Variants in TRPV6 observed in about 807,000 individuals in gnomAD.
TRPV6 encodes the protein transient receptor potential cation channel subfamily V member 6.
TRPV6 carries 39 observed loss-of-function variants against 79.0 expected under a neutral mutation model. The observed-to-expected ratio is 0.49, with a 90% CI of 0.38 to 0.64. The LOEUF is 0.64. TRPV6 is among the 30% of genes least tolerant of loss of function. The pLI, the probability that TRPV6 is intolerant of heterozygous loss-of-function variation, is 0.00. For synonymous variants in TRPV6, 373 were observed against 391.9 expected (o/e 0.95, Z 0.57); for missense variants, 813 against 1,011.1 (o/e 0.80, Z 2.66).
intron 1 of TRPV6, chr7:142,878,381 C>G (rs1795124754): frequency 6.6e-6 from 2 of 301,580 alleles, no homozygotes; most frequent in Non-Finnish European, 1.3e-5. Context: ...AACCAGTTTA[C>G]CCCTGGAGTG....
At chr7:142,874,184 C>T in intron 11 of TRPV6, 42 bp from the exon 12 acceptor site, 1 of 1,596,522 alleles carries the variant, frequency 6.3e-7, no homozygotes, top group Non-Finnish European at 8.6e-7. Context: ...ACACATTCCC[C>T]AAGCAATTGC....
Position 142,875,112 on chromosome 7 carries a change from G to A in TRPV6, c.1295C>T (p.Thr432Ile), listed in dbSNP as rs1475886854. ...CAGGATGATGATAGCCCCAATGACA[G>A]TCACCAGCTCCCCGACCAGCCGGAT... Residue 432 changes from threonine (T) to isoleucine (I), a missense_variant, in exon 9 of 15, where the codon ACT (threonine) becomes ATT (isoleucine). Transcript: ENST00000359396. 3 of 1,614,140 alleles carry A rather than the reference G, an allele frequency of 1.9e-6. No homozygotes were observed. Among genetic ancestry groups the A allele is most frequent in the Middle Eastern group, 3.3e-4 (2 of 6,062 alleles).
intron 1 of TRPV6, chr7:142,883,233 T>A (rs975494187): frequency 6.6e-6 from 1 of 152,106 alleles, no homozygotes; most frequent in Non-Finnish European, 1.5e-5. Flanking sequence ...CGGGAGAAAG[T>A]TGAGAGCTCG....
rs1473914661 is a variant in TRPV6, at chr7:142,871,589, ACTC to A, written c.*115_*117del. ...ACGTACATTCCTTGGCGTTCATGCTACTCCTCTTTCTCCCCTGGGGCCTGGGAG... is the reference window on the plus strand; with the variant it reads ...ACGTACATTCCTTGGCGTTCATGCTACTCTTTCTCCCCTGGGGCCTGGGAG... On this transcript the variant is annotated 3_prime_UTR_variant, in exon 15 of 15. Transcript: ENST00000359396. The A allele has an allele frequency of 4.9e-6, 6 of 1,230,550 alleles. No individual in the cohort carries two copies. The South Asian group carries it at 9.0e-5, about 19-fold the overall frequency. The allele number at this position is 1,230,550 out of a possible 1,614,324, so 76.2% of individuals were successfully genotyped here. A position where few individuals can be genotyped will look rare whatever the true frequency, so the allele number is the denominator to read the frequency against.
chr7:142,872,701 A>G (rs995868530), intron 13 of TRPV6, among the ~76,000 whole-genome samples: 1 of 152,214 alleles, frequency 6.6e-6, no homozygotes, highest in African/African-American at 2.4e-5. Context: ...CACCAGAGAA[A>G]GCAAATAGAA....
intron 6 of TRPV6, chr7:142,876,146 T>C: frequency 1.5e-6 from 1 of 684,942 alleles, no homozygotes; most frequent in Non-Finnish European, 2.4e-6. Flanking sequence ...GGCCCTGCTC[T>C]GGGGGCTGAA....
intron 3 of TRPV6, 103 bp from the exon 4 acceptor site, chr7:142,877,382 T>C (rs1643370639): frequency 1.3e-6 from 2 of 1,548,524 alleles, no homozygotes; most frequent in Non-Finnish European, 1.7e-6. Flanking sequence ...TAGCCTGGGA[T>C]GGAGAACAGG....
intron 11 of TRPV6, 96 bp from the exon 12 acceptor site, chr7:142,874,238 C>T (rs1795005778): frequency 1.5e-6 from 2 of 1,378,108 alleles, no homozygotes; most frequent in South Asian, 1.2e-5. Context: ...AGTCTCACAG[C>T]TCCACCCTCT....
At chr7:142,874,762 C>A in intron 10 of TRPV6, 106 bp from the exon 11 acceptor site, 1 of 1,553,990 alleles carries the variant, frequency 6.4e-7, no homozygotes, top group Non-Finnish European at 8.8e-7. Flanking sequence ...GATTCAGCCT[C>A]CCCACACTCA....
In TRPV6 at chr7:142,871,536, T is replaced by G; in HGVS notation, c.*171A>C. 2.5e-6 allele frequency: 2 copies of G among 808,358 alleles called. No individual in the cohort carries two copies. The highest frequency in any genetic ancestry group is 1.7e-5 in the African/African-American group (1 of 57,622). The allele number at this position is 808,358 out of a possible 1,614,324, so 50.1% of individuals were successfully genotyped here. A position where few individuals can be genotyped will look rare whatever the true frequency, so the allele number is the denominator to read the frequency against. On this transcript the variant is annotated 3_prime_UTR_variant, in exon 15 of 15. Transcript: ENST00000359396. The stretch of plus-strand genomic sequence containing the variant: ...TTCCTCTGCCCCAGAGCTGAAGGAG[T>G]AATGCAGGCCTGGAGCAGTGATTCT...
Position 142,876,453 on chromosome 7 carries a change from C to A in TRPV6, c.837G>T (p.Gln279His). 1 of 1,614,182 alleles carries A rather than the reference C, an allele frequency of 6.2e-7. No individual in the cohort carries two copies. Among genetic ancestry groups the A allele is most frequent in the Non-Finnish European group, 8.5e-7 (1 of 1,180,020 alleles). Reference sequence around the variant, plus strand: ...CAGCCAGCTTGAAAGGGGTGAGACCCTGGTGATTGGGCACGAGGTCCAGGG... The same window carrying A: ...CAGCCAGCTTGAAAGGGGTGAGACCATGGTGATTGGGCACGAGGTCCAGGG... The change falls in exon 6 of 15, where the codon CAG (glutamine) becomes CAT (histidine). Residue 279 changes from glutamine (Q) to histidine (H), a missense_variant. Around this residue, in one of 3 missense-constraint regions of TRPV6, gnomAD observed 555 missense variants for 631.0 expected, o/e 0.88. Coordinates refer to ENST00000359396, the MANE Select transcript of TRPV6 (RefSeq NM_018646.6).
At chr7:142,881,632 G>A (rs555712578) in intron 1 of TRPV6, 1 of 152,108 alleles carries the variant, frequency 6.6e-6, no homozygotes, top group Non-Finnish European at 1.5e-5. Context: ...CTTTTACTAG[G>A]CAATTAATTA....
Position 142,872,403 on chromosome 7 carries a change from C to G in TRPV6, c.1984G>C (p.Glu662Gln). The change falls in exon 14 of 15, where the codon GAG becomes CAG. Residue 662 changes from glutamate (E) to glutamine (Q), a missense_variant. Glu to Gln is a conservative substitution (Grantham distance 29, BLOSUM62 2). Coordinates refer to ENST00000359396, the MANE Select transcript of TRPV6 (RefSeq NM_018646.6). ...AACCAGCGGTCTCCCAGGCCATACT[C>G]CCGTCCGCAGATCCCGGAGCGAGGC... The G allele has an allele frequency of 1.2e-6, 2 of 1,614,232 alleles. No individual in the cohort carries two copies. Among genetic ancestry groups the G allele is most frequent in the Non-Finnish European group, 1.7e-6 (2 of 1,180,038 alleles).
intron 11 of TRPV6, 150 bp downstream of exon 11, chr7:142,874,341 T>C: frequency 5.5e-6 from 7 of 1,262,692 alleles, no homozygotes; most frequent in African/African-American, 1.5e-5. Flanking sequence ...CTACATTTTT[T>C]AAAAGGATTG....
At chr7:142,876,880 C>A (rs754794301) in intron 4 of TRPV6, 43 bp from the exon 5 acceptor site, 2 of 1,608,632 alleles carry the variant, frequency 1.2e-6, no homozygotes, top group Non-Finnish European at 1.7e-6. Context: ...TGCAGGATGG[C>A]AGGATGGGGT....
At chr7:142,882,978 C>A (rs912258773) in intron 1 of TRPV6, 2 of 152,086 alleles carry the variant, frequency 1.3e-5, no homozygotes, top group African/African-American at 4.8e-5. Flanking sequence ...TCTCACACTT[C>A]CCCCTCTATG....
At chr7:142,876,905 A>G (rs1469892001) in intron 4 of TRPV6, 68 bp from the exon 5 acceptor site, 17 of 1,577,630 alleles carry the variant, frequency 1.1e-5, no homozygotes, top group Middle Eastern at 1.7e-4. Flanking sequence ...AGTCTCCCCC[A>G]AGTGACAGCC....
chr7:142,873,500 C>T lies in TRPV6; in HGVS notation c.1856G>A (p.Gly619Asp). Residue 619 changes from glycine to aspartate, a missense_variant, in exon 13 of 15, where the codon GGC becomes GAC. Around this residue, in one of 3 missense-constraint regions of TRPV6, gnomAD observed 94 missense variants for 194.0 expected, o/e 0.48. Transcript: ENST00000359396. The surrounding 1 kb of genome is among the most constrained non-coding windows in gnomAD (Gnocchi z 4.8). Reference sequence around the variant, plus strand: ...ATGGGCCACTCGCCAGTGAGTGTCGCCCATCATGGCAATGAGGAGGTTGAG... The same window carrying T: ...ATGGGCCACTCGCCAGTGAGTGTCGTCCATCATGGCAATGAGGAGGTTGAG... The T allele has an allele frequency of 6.2e-7, 1 of 1,614,186 alleles. No homozygotes were observed. Among genetic ancestry groups the T allele is most frequent in the Non-Finnish European group, 8.5e-7 (1 of 1,180,036 alleles).
intron 1 of TRPV6, chr7:142,878,858 G>A (rs1795137562): frequency 6.6e-6 from 1 of 152,210 alleles, no homozygotes; most frequent in Admixed American, 6.5e-5. Flanking sequence ...TCCACCTAGT[G>A]AATCCAAATC....
Sources: gnomAD v4.1 joint callset for allele counts (sites outside exome capture counted in the v4.1 genomes callset) on GRCh38, gnomAD v4.1.1 for gene constraint, gnomAD v4.1.1 regional missense constraint, Gnocchi (gnomAD v3.1) non-coding constraint, MANE v1.5 for transcripts, NCBI Gene and HGNC (gene_info 2026-07-23, HGNC 2026-07-21) for gene names.